The following DZIP3 variants were observed in gnomAD, a reference collection of about 807,000 sequenced individuals.
The protein encoded by DZIP3 is E3 ubiquitin-protein ligase DZIP3.
Under a neutral mutation model 162.0 loss-of-function variants are expected in DZIP3, and 118 were observed. The ratio of observed to expected loss-of-function variants is 0.73; its 90% CI spans 0.63 to 0.85. The LOEUF is 0.85. Among genes scored for constraint, DZIP3 ranks in the 40% least tolerant of loss-of-function variants. The probability of loss-of-function intolerance (pLI) is 0.00; values close to 1 mark genes in which losing one functional copy is unlikely to be tolerated. For synonymous variants in DZIP3, 438 were observed against 458.6 expected (o/e 0.96, Z 0.57); for missense variants, 1,331 against 1,407.0 (o/e 0.95, Z 0.86).
intron 32 of DZIP3, among the ~76,000 whole-genome samples, chr3:108,692,393 T>C (rs576999599): frequency 6.6e-6 from 1 of 152,202 alleles, no homozygotes; most frequent in Admixed American, 6.5e-5. Context: ...GTACTCAGGC[T>C]TCTACACTAA....
intron 6 of DZIP3, 66 bp from the exon 7 acceptor site, chr3:108,625,779 T>C: frequency 7.1e-7 from 1 of 1,410,888 alleles, no homozygotes; most frequent in South Asian, 1.5e-5. Context: ...TGAGAAGTAA[T>C]TGTTTATTGT....
chr3:108,640,129 T>C (rs1167445222), intron 12 of DZIP3, among the ~76,000 whole-genome samples: 1 of 152,206 alleles, frequency 6.6e-6, no homozygotes, highest in East Asian at 1.9e-4. Context: ...TAATTTATTT[T>C]ATGATCATAC....
intron 5 of DZIP3, among the ~76,000 whole-genome samples, chr3:108,622,880 C>CTCTCTGTGTGTG (rs796232998): frequency 2.1e-3 from 111 of 53,096 alleles, no homozygotes; most frequent in Middle Eastern, 0.012. Flanking sequence ...CTCTCTCTCT[C>CTCTCTGTGTGTG]TGTGTGTGTG....
chr3:108,621,840 A>C (rs938134453), intron 5 of DZIP3, among the ~76,000 whole-genome samples: 5 of 152,210 alleles, frequency 3.3e-5, no homozygotes, highest in Non-Finnish European at 7.3e-5. Flanking sequence ...ACAATAGCCA[A>C]GATTTGAAAG....
At position 108,677,530 on chromosome 3, in the gene DZIP3, C is replaced by A; in HGVS notation, c.2815C>A (p.Gln939Lys). 1.2e-6 allele frequency: 2 copies of A among 1,612,588 alleles called. No homozygotes were observed. The highest frequency in any genetic ancestry group is 1.7e-6 in the Non-Finnish European group (2 of 1,178,954). ...CAATGAACAAATAAACAAAGTCAAG[C>A]AAGGATTTGCCTTGAGTACCTTGCC... The part of the protein sequence containing the change: ...QYNEQINKVK[Q>K]GFALSTLPPV... Residue 939 changes from glutamine to lysine, a missense_variant, in exon 26 of 33, where the codon CAA (glutamine) becomes AAA (lysine). Physicochemically the swap from Gln to Lys is moderately conservative, Grantham distance 53. Coordinates refer to ENST00000361582, the MANE Select transcript of DZIP3 (RefSeq NM_014648.4).
intron 3 of DZIP3, 24 bp from the exon 4 acceptor site, chr3:108,611,150 T>C: frequency 6.4e-7 from 1 of 1,553,112 alleles, no homozygotes; most frequent in Non-Finnish European, 8.6e-7. Context: ...ACTGTGTAAA[T>C]TTTTAATCAA....
At chr3:108,629,336 G>A (rs915720336) in intron 8 of DZIP3, among the ~76,000 whole-genome samples, 160 bp downstream of exon 8, 1 of 152,152 alleles carries the variant, frequency 6.6e-6, no homozygotes, top group Non-Finnish European at 1.5e-5. Flanking sequence ...GATTCAACAA[G>A]GAGGGAGAAG....
At chr3:108,638,781 A>G (rs1942267481) in intron 12 of DZIP3, among the ~76,000 whole-genome samples, 2 of 152,188 alleles carry the variant, frequency 1.3e-5, no homozygotes, top group South Asian at 2.1e-4. Context: ...TTAACCATCA[A>G]TAGGACTTTT....
At chr3:108,624,339 C>T (rs1051024919) in intron 5 of DZIP3, 105 bp from the exon 6 acceptor site, 22 of 617,050 alleles carry the variant, frequency 3.6e-5, no homozygotes, top group Non-Finnish European at 5.4e-5. Context: ...ATAATTTTTA[C>T]TTGTTTTAAT....
intron 1 of DZIP3, among the ~76,000 whole-genome samples, chr3:108,596,452 T>C (rs1300127030): frequency 6.6e-6 from 1 of 152,166 alleles, no homozygotes; most frequent in African/African-American, 2.4e-5. Flanking sequence ...AGGACTGAAC[T>C]CCCTGATATT....
At chr3:108,646,574 C>T (rs200704416) in intron 14 of DZIP3, 43 bp from the exon 15 acceptor site, 53 of 1,372,580 alleles carry the variant, frequency 3.9e-5, no homozygotes, top group South Asian at 3.3e-4. Context: ...TCATTTGTTG[C>T]GTTTGCAATT....
At chr3:108,684,481 CTG>C (rs1944431561) in intron 27 of DZIP3, 140 bp downstream of exon 27, 1 of 1,035,342 alleles carries the variant, frequency 9.7e-7, no homozygotes, top group Middle Eastern at 2.6e-4. Flanking sequence ...TGAATACTTC[CTG>C]TGAAGCACTG....
chr3:108,690,769 A>G lies in DZIP3; in HGVS notation c.3517-18A>G, dbSNP rs777515216. On this transcript the variant is annotated intron_variant, in intron 31 of 32. Coordinates refer to ENST00000361582, the MANE Select transcript of DZIP3 (RefSeq NM_014648.4). ...AGGCTACATCTGAGAGACTGACATA[A>G]ATCTTTTTGCTCCTTAGTGCATTAG... 1.2e-5 allele frequency: 20 copies of G among 1,610,642 alleles called. No homozygotes were observed. Among genetic ancestry groups the G allele is most frequent in the Middle Eastern group, 1.6e-4 (1 of 6,074 alleles).
rs774757261 is a variant in DZIP3 at position 108,642,468 on chromosome 3, T to C, written c.1095T>C (p.Thr365=). ...SYRKLISLKI[T]DTDIRPKISL... The stretch of plus-strand genomic sequence containing the variant: ...GAAAGTTGATATCTCTGAAAATAAC[T>C]GATACTGATATAAGACCGAAGATCA... The change falls in exon 13 of 33, where the codon ACT becomes ACC. Residue 365 remains threonine, a synonymous_variant. Coordinates refer to ENST00000361582, the MANE Select transcript of DZIP3 (RefSeq NM_014648.4). 3 of 1,487,838 alleles carry C rather than the reference T, an allele frequency of 2.0e-6. No homozygotes were observed. The South Asian group carries it at 3.7e-5, about 18-fold the overall frequency. The allele number at this position is 1,487,838 out of a possible 1,614,324, so 92.2% of individuals were successfully genotyped here. A position where few individuals can be genotyped will look rare whatever the true frequency, so the allele number is the denominator to read the frequency against.
chr3:108,664,452 G>A (rs1559770077), intron 21 of DZIP3, among the ~76,000 whole-genome samples: 3 of 152,140 alleles, frequency 2.0e-5, no homozygotes, highest in Admixed American at 6.5e-5. Flanking sequence ...AGTTCCACTG[G>A]GGAGAAGGAG....
chr3:108,616,339 T>C (rs1246690612), intron 4 of DZIP3, among the ~76,000 whole-genome samples: 1 of 151,162 alleles, frequency 6.6e-6, no homozygotes, highest in Admixed American at 6.6e-5. Flanking sequence ...AAGGAAATAG[T>C]TACAAACGAC....
intron 1 of DZIP3, among the ~76,000 whole-genome samples, chr3:108,596,872 G>T (rs570874431): frequency 6.6e-6 from 1 of 152,284 alleles, no homozygotes; most frequent in Admixed American, 6.5e-5. Flanking sequence ...GACATAAACG[G>T]CTGGTAGAAC....
chr3:108,629,242 C>T (rs901889922), intron 8 of DZIP3, 66 bp downstream of exon 8: 1 of 1,041,012 alleles, frequency 9.6e-7, no homozygotes, highest in African/African-American at 1.7e-5. Context: ...ATATCATATT[C>T]TTACAGCAAG....
At chr3:108,631,093 T>TCTCTCTCTCTCTCTCTCTCC (rs1235604547) in intron 8 of DZIP3, among the ~76,000 whole-genome samples, 8 of 144,718 alleles carry the variant, frequency 5.5e-5, no homozygotes, top group African/African-American at 1.8e-4. Context: ...TCTCTCTCTC[T>TCTCTCTCTCTCTCTCTCTCC]CCTATCCTAC....
Sources: gnomAD v4.1 joint callset for allele counts (sites outside exome capture counted in the v4.1 genomes callset) on GRCh38, gnomAD v4.1.1 for gene constraint, MANE v1.5 for transcripts, NCBI Gene and HGNC (gene_info 2026-07-23, HGNC 2026-07-21) for gene names.